USP24: variants seen among roughly 807,000 people sequenced by gnomAD.
USP24 encodes the protein ubiquitin specific peptidase 24, also known as ubiquitin carboxyl-terminal hydrolase 24.
USP24 carries 97 observed loss-of-function variants against 361.6 expected under a neutral mutation model. The ratio of observed to expected loss-of-function variants is 0.27; its 90% CI spans 0.23 to 0.32. USP24 has a LOEUF of 0.32. Ranked by LOEUF, USP24 falls within the 10% of genes least tolerant of loss-of-function variation. The pLI is 1.00. For synonymous variants in USP24, 1,098 were observed against 1,124.6 expected (o/e 0.98, Z 0.47); for missense variants, 2,353 against 3,165.6 (o/e 0.74, Z 6.16).
chr1:55,191,773 A>G (rs1487850022), intron 1 of USP24, among the ~76,000 whole-genome samples: 5 of 152,136 alleles, frequency 3.3e-5, no homozygotes, highest in Non-Finnish European at 4.4e-5. Flanking sequence ...TACAGGCATG[A>G]GCCACCCTGC....
intron 6 of USP24, 128 bp from the exon 7 acceptor site, chr1:55,166,078 A>C (rs1189439571): frequency 1.0e-5 from 7 of 688,002 alleles, no homozygotes; most frequent in Middle Eastern, 6.9e-4. Context: ...ACAGGCATAC[A>C]ATGTGAAATA....
chr1:55,096,368 C>G (rs1021578182), intron 50 of USP24, 130 bp downstream of exon 50: 22 of 765,608 alleles, frequency 2.9e-5, no homozygotes, highest in Non-Finnish European at 3.8e-5. Context: ...GCTCATGGTT[C>G]TATTGCTAGA....
At chr1:55,081,491 AG>A in intron 58 of USP24, 67 bp from the exon 59 acceptor site, 1 of 1,427,078 alleles carries the variant, frequency 7.0e-7, no homozygotes, top group East Asian at 2.3e-5. Flanking sequence ...AGGAAGGGAC[AG>A]GGTTTGCTGG....
chr1:55,137,393 A>G (rs1646767649), intron 28 of USP24, 122 bp downstream of exon 28: 6 of 1,231,754 alleles, frequency 4.9e-6, no homozygotes, highest in Admixed American at 6.2e-5. Context: ...GATGGAAGAA[A>G]TAACACAACA....
chr1:55,170,714 G>A lies in USP24; in HGVS notation c.825+842C>T, dbSNP rs1649353372. Among the ~76,000 whole-genome samples, 2 of 152,046 alleles carry A rather than the reference G, an allele frequency of 1.3e-5. 1 individual carries two copies. The highest frequency in any genetic ancestry group is 4.1e-4 in the South Asian group (2 of 4,826). On this transcript the variant is annotated intron_variant, in intron 5 of 67. Coordinates refer to ENST00000294383, the MANE Select transcript of USP24 (RefSeq NM_015306.3). ...CTGGGGAACTGTCTGACTCCTCAAGGTGGCAATAACTACCCCTTCCCCTGG... is the reference window on the plus strand; with the variant it reads ...CTGGGGAACTGTCTGACTCCTCAAGATGGCAATAACTACCCCTTCCCCTGG...
At chr1:55,123,361 T>A in intron 36 of USP24, 86 bp downstream of exon 36, 1 of 1,395,268 alleles carries the variant, frequency 7.2e-7, no homozygotes, top group Non-Finnish European at 9.4e-7. Context: ...CAATGGGACC[T>A]TATCTAGGAA....
At chr1:55,210,110 C>G (rs1269095525) in intron 1 of USP24, among the ~76,000 whole-genome samples, 1 of 152,174 alleles carries the variant, frequency 6.6e-6, no homozygotes, top group Non-Finnish European at 1.5e-5. Context: ...AAACCACACT[C>G]ACAGACACAC....
intron 32 of USP24, 117 bp from the exon 33 acceptor site, chr1:55,125,875 T>C (rs977290344): frequency 1.2e-6 from 1 of 834,500 alleles, no homozygotes; most frequent in Non-Finnish European, 1.8e-6. Context: ...CATGATTCTG[T>C]CATAAAAAGA....
intron 31 of USP24, among the ~76,000 whole-genome samples, chr1:55,131,441 G>A (rs1245819012): frequency 6.6e-6 from 1 of 152,102 alleles, no homozygotes; most frequent in South Asian, 2.1e-4. Context: ...AACCTCAAAC[G>A]TGGTTTCCAT....
At chr1:55,174,481 T>C (rs1199186857) in intron 3 of USP24, among the ~76,000 whole-genome samples, 1 of 152,260 alleles carries the variant, frequency 6.6e-6, no homozygotes, top group African/African-American at 2.4e-5. Flanking sequence ...ATATAAGGCA[T>C]GGTACCTTTG....
rs28532726 is a variant in USP24 at position 55,107,403 on chromosome 1, C to T, written c.4598G>A (p.Ser1533Asn). ...CTCATCTTCAAGCATCGTAGCTGGG[C>T]TGATCCTTAACTGCTCCATTTCTGA... ...TTSEMEQLRI[S>N]PATMLEDEIT... The change falls in exon 40 of 68, where the codon AGC becomes AAC. Residue 1533 changes from serine to asparagine, a missense_variant. Coordinates refer to ENST00000294383, the MANE Select transcript of USP24 (RefSeq NM_015306.3). 6.2e-7 allele frequency: 1 copy of T among 1,611,392 alleles called. No homozygotes were observed. Among genetic ancestry groups the T allele is most frequent in the Non-Finnish European group, 8.5e-7 (1 of 1,178,776 alleles).
intron 20 of USP24, among the ~76,000 whole-genome samples, 173 bp downstream of exon 20, chr1:55,145,825 T>G (rs1344869083): frequency 6.6e-6 from 1 of 152,110 alleles, no homozygotes; most frequent in Non-Finnish European, 1.5e-5. Context: ...TAAGATACCA[T>G]TCATGTAGAA....
chr1:55,201,572 G>GC, intron 1 of USP24, among the ~76,000 whole-genome samples: 1 of 113,554 alleles, frequency 8.8e-6, no homozygotes, highest in South Asian at 3.1e-4. Context: ...CTGCACTCTA[G>GC]CCTGGGTGAC....
chr1:55,154,911 C>A, intron 12 of USP24, 133 bp from the exon 13 acceptor site: 1 of 623,928 alleles, frequency 1.6e-6, no homozygotes, highest in Non-Finnish European at 2.8e-6. Context: ...TCAGCATCCA[C>A]TTGCATAATA....
At position 55,107,290 on chromosome 1, in the gene USP24, G is replaced by A. The variant is rs201975935; in HGVS notation, c.4711C>T (p.Arg1571Cys). 1.1e-5 allele frequency: 17 copies of A among 1,613,754 alleles called. No homozygotes were observed. Among genetic ancestry groups the A allele is most frequent in the Middle Eastern group, 1.6e-4 (1 of 6,084 alleles). ...AGTGAAAGAAGGGTCTTGATGAGGC[G>A]TAAGTGCCCTGCCAGTAAGATGTTG... ...ADNILLAGHL[R>C]LIKTLLSLCG... is the part of the protein sequence containing the mutation. The change falls in exon 40 of 68, where the codon CGC becomes TGC. Residue 1571 changes from arginine (R) to cysteine (C), a missense_variant. Arg to Cys is a radical substitution (Grantham distance 180, BLOSUM62 -3). Coordinates refer to ENST00000294383, the MANE Select transcript of USP24 (RefSeq NM_015306.3).
chr1:55,139,884 G>A (rs539140557), intron 24 of USP24, among the ~76,000 whole-genome samples: 5 of 152,076 alleles, frequency 3.3e-5, no homozygotes, highest in East Asian at 1.9e-4. Flanking sequence ...AAATTCAGAC[G>A]AAAAATTTTT....
At chr1:55,175,215 GTCTCTT>G (rs1259576067) in intron 3 of USP24, among the ~76,000 whole-genome samples, 1 of 133,412 alleles carries the variant, frequency 7.5e-6, no homozygotes, top group African/African-American at 2.7e-5. Flanking sequence ...GTTTTACTGG[GTCTCTT>G]TTTTTTTTTT....
rs77183170 is a variant in USP24 at position 55,190,194 on chromosome 1, GA to G, written c.325-12063del. On this transcript the variant is annotated intron_variant, in intron 1 of 67. Coordinates refer to ENST00000294383, the MANE Select transcript of USP24 (RefSeq NM_015306.3). The stretch of plus-strand genomic sequence containing the variant: ...AAAAAAAAAAAAAAAAAGAAAGAAA[GA>G]AAATATTATTTAAGACTTGACAGGC... Among the ~76,000 whole-genome samples the G allele has an allele frequency of 2.9e-3, 408 of 141,886 alleles. 15 individuals carry two copies. In the East Asian group the frequency reaches 0.072, roughly 25 times the overall value. 93.1% of individuals were successfully genotyped at this position (141,886 alleles called of 152,430 possible). A position where few individuals can be genotyped will look rare whatever the true frequency, so the allele number is the denominator to read the frequency against.
At chr1:55,086,902 T>C (rs1645262829) in intron 55 of USP24, among the ~76,000 whole-genome samples, 1 of 152,206 alleles carries the variant, frequency 6.6e-6, no homozygotes, top group South Asian at 2.1e-4. Flanking sequence ...TCTGCGTGTG[T>C]TTAAACATTT....
Sources: allele counts gnomAD v4.1 joint callset (sites outside exome capture counted in the v4.1 genomes callset), GRCh38; gene constraint gnomAD v4.1.1; transcripts MANE v1.5; gene names NCBI Gene and HGNC (gene_info 2026-07-23, HGNC 2026-07-21).